The following ZNF800 variants were observed in gnomAD, a reference collection of about 807,000 sequenced individuals.
ZNF800 encodes the protein zinc finger protein 800.
In ZNF800, 13 loss-of-function variants were observed where a neutral mutation model predicts 59.5. The ratio of observed to expected loss-of-function variants is 0.22; its 90% CI spans 0.14 to 0.35. The LOEUF is 0.35. ZNF800 is among the 10% of genes least tolerant of loss of function. The pLI, the probability that ZNF800 is intolerant of heterozygous loss-of-function variation, is 1.00. For synonymous variants in ZNF800, 266 were observed against 265.7 expected (o/e 1.00, Z -0.01); for missense variants, 621 against 783.7 (o/e 0.79, Z 2.48).
chr7:127,390,850 G>A (rs10268561), intron 2 of ZNF800, among the ~76,000 whole-genome samples: 21 of 152,020 alleles, frequency 1.4e-4, no homozygotes, highest in African/African-American at 4.8e-4. Context: ...ATGAGACTCC[G>A]AAAAACTTTT....
At chr7:127,372,552 C>A in intron 5 of ZNF800, 11 of 920,858 alleles carry the variant, frequency 1.2e-5, no homozygotes, top group Non-Finnish European at 1.4e-5. Context: ...CGACACACAA[C>A]CACAAAAAAC....
At chr7:127,382,351 C>T (rs1801001096) in intron 3 of ZNF800, among the ~76,000 whole-genome samples, 1 of 152,078 alleles carries the variant, frequency 6.6e-6, no homozygotes, top group Non-Finnish European at 1.5e-5. Flanking sequence ...TTAATAAACA[C>T]ATAAAAGATA....
rs2117236031 is a variant in ZNF800, at chr7:127,392,234, C to T, written c.-233G>A. On this transcript the variant is annotated 5_prime_UTR_variant, in exon 1 of 6. Coordinates refer to ENST00000265827, the MANE Select transcript of ZNF800 (RefSeq NM_176814.5). ...CGCTCCCAAAGAGTCCCCGCCGGCG[C>T]TGACGCGGAAGCGCCACAGCTCACC... 1 of 394,274 alleles carries T rather than the reference C, an allele frequency of 2.5e-6. No individual in the cohort carries two copies. Among genetic ancestry groups the T allele is most frequent in the Non-Finnish European group, 4.5e-6 (1 of 223,124 alleles). 24.4% of individuals were successfully genotyped at this position (394,274 alleles called of 1,614,324 possible). A position where few individuals can be genotyped will look rare whatever the true frequency, so the allele number is the denominator to read the frequency against.
Position 127,373,568 on chromosome 7 carries a change from C to G in ZNF800, c.1768G>C (p.Asp590His), listed in dbSNP as rs1367544364. The change falls in exon 5 of 6, where the codon GAT (aspartate) becomes CAT (histidine). Residue 590 changes from aspartate (D) to histidine (H), a missense_variant. Physicochemically the swap from Asp to His is moderately conservative, Grantham distance 81. Around this residue, in one of 7 missense-constraint regions of ZNF800, gnomAD observed 94 missense variants for 108.5 expected, o/e 0.87. Transcript: ENST00000265827. ...TTACTAGGAGAGTTAGAAGTGCCAT[C>G]ATGTTTTGAATCACTATGTTTTGCT... is the stretch of plus-strand genomic sequence containing the variant. ...DEAKHSDSKH[D>H]GTSNSPSKKY... is the part of the protein sequence containing the mutation. The G allele has an allele frequency of 1.2e-6, 2 of 1,614,146 alleles. No individual in the cohort carries two copies. The highest frequency in any genetic ancestry group is 1.7e-6 in the Non-Finnish European group (2 of 1,180,020).
intron 2 of ZNF800, among the ~76,000 whole-genome samples, chr7:127,386,954 C>T (rs1801152965): frequency 1.3e-5 from 2 of 151,796 alleles, no homozygotes; most frequent in African/African-American, 4.8e-5. Flanking sequence ...TGTATAAATG[C>T]TGTTAGGGTG....
At chr7:127,355,527 T>A (rs949289628) in intron 1 of ZNF800, among the ~76,000 whole-genome samples, 1 of 152,010 alleles carries the variant, frequency 6.6e-6, no homozygotes, top group Admixed American at 6.6e-5. Flanking sequence ...GTTGGAACTG[T>A]CAAGAACAGA....
At chr7:127,389,423 T>C (rs1468767227) in intron 2 of ZNF800, among the ~76,000 whole-genome samples, 2 of 152,232 alleles carry the variant, frequency 1.3e-5, no homozygotes, top group Non-Finnish European at 2.9e-5. Flanking sequence ...TCATCAGGAA[T>C]ATACTGATCT....
At chr7:127,389,905 A>G (rs1801253980) in intron 2 of ZNF800, among the ~76,000 whole-genome samples, 1 of 152,198 alleles carries the variant, frequency 6.6e-6, no homozygotes, top group African/African-American at 2.4e-5. Context: ...AAGTCTTCAG[A>G]AAACTCATTA....
rs1214013823 is a variant in ZNF800, at chr7:127,377,653, C to T, written c.158-324G>A. ...AATGAGCTGGGAATAAAGATGTACA[C>T]AGCCCTCCCCTAGAGGTTCAGATTT... On this transcript the variant is annotated intron_variant, in intron 3 of 5. Coordinates refer to ENST00000265827, the MANE Select transcript of ZNF800 (RefSeq NM_176814.5). The surrounding 1 kb of genome is among the most constrained non-coding windows in gnomAD (Gnocchi z 4.7). 1.3e-5 allele frequency among the ~76,000 whole-genome samples: 2 copies of T among 152,038 alleles called. No homozygotes were observed. The highest frequency in any genetic ancestry group is 6.6e-5 in the Admixed American group (1 of 15,258).
chr7:127,373,044 A>C, intron 5 of ZNF800: 1 of 985,186 alleles, frequency 1.0e-6, no homozygotes, highest in Non-Finnish European at 1.2e-6. Context: ...AAGCCAATAT[A>C]AATGTATATA....
At chr7:127,373,133 T>C in intron 5 of ZNF800, 1 of 985,438 alleles carries the variant, frequency 1.0e-6, no homozygotes, top group Non-Finnish European at 1.2e-6. Context: ...GGAAGATAAG[T>C]TCTGAAGTTA....
rs868530717 is a variant in ZNF800, at chr7:127,385,075, A to G, written c.157+985T>C. Among the ~76,000 whole-genome samples, 16 of 152,350 alleles carry G rather than the reference A, an allele frequency of 1.1e-4. No individual in the cohort carries two copies. The South Asian group carries it at 2.1e-3, about 20-fold the overall frequency. ...TTCAGATTCTATTTCTTAGAATCCT[A>G]AAGTAAAGCAAATATATGATTTCCC... On this transcript the variant is annotated intron_variant, in intron 3 of 5. Coordinates refer to ENST00000265827, the MANE Select transcript of ZNF800 (RefSeq NM_176814.5).
chr7:127,384,167 T>C (rs747671093), intron 3 of ZNF800, among the ~76,000 whole-genome samples: 17 of 151,522 alleles, frequency 1.1e-4, no homozygotes, highest in Non-Finnish European at 1.6e-4. Context: ...GTACAGGTTC[T>C]TGTTGATAAG....
chr7:127,379,852 A>ACCCCCCC (rs1562907479), intron 3 of ZNF800, among the ~76,000 whole-genome samples: 4 of 16,190 alleles, frequency 2.5e-4, no homozygotes, highest in East Asian at 2.8e-3. Context: ...CCACCCCCCC[A>ACCCCCCC]CCCCCCCCAC....
Position 127,370,812 on chromosome 7 carries a change from T to C in ZNF800, c.*1002A>G, listed in dbSNP as rs1800614686. ...GATTACAAAAATGGACAAGAATTCA[T>C]CATTTTCTAAATTTTACAGTAGGAA... On this transcript the variant is annotated 3_prime_UTR_variant, in exon 6 of 6. Coordinates refer to ENST00000265827, the MANE Select transcript of ZNF800 (RefSeq NM_176814.5). 2 of 152,550 alleles carry C rather than the reference T, an allele frequency of 1.3e-5. No homozygotes were observed. Among genetic ancestry groups the C allele is most frequent in the Admixed American group, 1.3e-4 (2 of 15,266 alleles). The allele number at this position is 152,550 out of a possible 1,614,324, so 9.4% of individuals were successfully genotyped here. A position where few individuals can be genotyped will look rare whatever the true frequency, so the allele number is the denominator to read the frequency against.
intron 1 of ZNF800, among the ~76,000 whole-genome samples, chr7:127,353,680 C>T (rs1369334311): frequency 6.6e-6 from 1 of 152,150 alleles, no homozygotes; most frequent in Non-Finnish European, 1.5e-5. Context: ...TATAAGTACT[C>T]AACCTCTATG....
chr7:127,387,114 T>A (rs1801158745), intron 2 of ZNF800, among the ~76,000 whole-genome samples: 1 of 152,086 alleles, frequency 6.6e-6, no homozygotes, highest in Non-Finnish European at 1.5e-5. Context: ...GTTTATATTA[T>A]CCCTAATTCC....
chr7:127,378,161 C>T (rs1419423), intron 3 of ZNF800, among the ~76,000 whole-genome samples: 97,412 of 151,864 alleles, frequency 0.64, 31,654 homozygotes, highest in East Asian at 0.86. Context: ...TCAGCTCTTA[C>T]AATGCTCAAA....
At chr7:127,344,290 G>A (rs1346023754), downstream of ZNF800, among the ~76,000 whole-genome samples, 2 of 151,912 alleles carry the variant, frequency 1.3e-5, no homozygotes, top group Non-Finnish European at 2.9e-5. Context: ...CCATTCAAAT[G>A]CAACAAAGAA....
Sources: gnomAD v4.1 joint callset for allele counts (sites outside exome capture counted in the v4.1 genomes callset) on GRCh38, gnomAD v4.1.1 for gene constraint, gnomAD v4.1.1 regional missense constraint, Gnocchi (gnomAD v3.1) non-coding constraint, MANE v1.5 for transcripts, NCBI Gene and HGNC (gene_info 2026-07-23, HGNC 2026-07-21) for gene names.